NTNG1: variants seen among roughly 807,000 people sequenced by gnomAD.
NTNG1 encodes the protein netrin-G1.
Under a neutral mutation model 54.0 loss-of-function variants are expected in NTNG1, and 16 were observed. That is an observed-to-expected ratio of 0.30 (90% CI 0.20 to 0.45). NTNG1 has a LOEUF of 0.45. NTNG1 is among the 20% of genes least tolerant of loss of function. The probability of loss-of-function intolerance (pLI) is 1.00; values close to 1 mark genes in which losing one functional copy is unlikely to be tolerated. For synonymous variants in NTNG1, 255 were observed against 263.1 expected (o/e 0.97, Z 0.30); for missense variants, 530 against 678.7 (o/e 0.78, Z 2.43).
intron 2 of NTNG1, among the ~76,000 whole-genome samples, chr1:107,317,400 C>T (rs1667394408): frequency 6.6e-6 from 1 of 152,120 alleles, no homozygotes; most frequent in African/African-American, 2.4e-5. Context: ...AAAGCAACCT[C>T]CCTACCACTT....
chr1:107,311,759 A>C (rs61639364), intron 2 of NTNG1, among the ~76,000 whole-genome samples: 9,918 of 152,124 alleles, frequency 0.065, 484 homozygotes, highest in African/African-American at 0.13. Context: ...CACACTTGTT[A>C]TGTGTCAGTT....
intron 2 of NTNG1, among the ~76,000 whole-genome samples, chr1:107,273,659 A>G (rs1664293838): frequency 6.6e-6 from 1 of 152,152 alleles, no homozygotes. Context: ...CTTTTTTCTC[A>G]CAGTTCTGAA....
intron 7 of NTNG1, among the ~76,000 whole-genome samples, chr1:107,438,808 T>A (rs1264069973): frequency 6.6e-6 from 1 of 152,216 alleles, no homozygotes; most frequent in Non-Finnish European, 1.5e-5. Flanking sequence ...AATATGGTGT[T>A]GCCACCAACT....
chr1:107,360,977 G>A (rs1172367495), intron 3 of NTNG1, among the ~76,000 whole-genome samples: 1 of 151,550 alleles, frequency 6.6e-6, no homozygotes, highest in Non-Finnish European at 1.5e-5. Context: ...TCGTGTAACT[G>A]CTATCTCACT....
chr1:107,267,683 C>T (rs759354535), intron 2 of NTNG1, among the ~76,000 whole-genome samples: 6 of 152,158 alleles, frequency 3.9e-5, no homozygotes, highest in South Asian at 2.1e-4. Flanking sequence ...GGTCTTTGAA[C>T]GTGCTGCTTT....
chr1:107,307,070 G>A (rs536542007), intron 2 of NTNG1, among the ~76,000 whole-genome samples: 4 of 152,302 alleles, frequency 2.6e-5, no homozygotes, highest in South Asian at 2.1e-4. Context: ...TAATTTGTCC[G>A]TAGCTGCTAC....
intron 2 of NTNG1, among the ~76,000 whole-genome samples, chr1:107,172,928 A>G (rs972024284): frequency 6.6e-6 from 1 of 152,164 alleles, no homozygotes. Context: ...TCTGCAGTCT[A>G]TGTGCTGTGA....
chr1:107,392,260 C>T (rs1292709544), intron 3 of NTNG1, among the ~76,000 whole-genome samples: 1 of 151,894 alleles, frequency 6.6e-6, no homozygotes, highest in Non-Finnish European at 1.5e-5. Flanking sequence ...AGAGAATCTT[C>T]GAATATCCTA....
At chr1:107,432,263 T>C (rs2101342567) in intron 6 of NTNG1, among the ~76,000 whole-genome samples, 1 of 152,286 alleles carries the variant, frequency 6.6e-6, no homozygotes, top group East Asian at 1.9e-4. Context: ...GATGTCTTGT[T>C]TTGTTTTTAC....
rs151058555 is a variant in NTNG1, at chr1:107,421,507, G to T, written c.1088-9243G>T. Among the ~76,000 whole-genome samples the T allele has an allele frequency of 3.4e-3, 514 of 152,174 alleles. 17 individuals are homozygous for T. The South Asian group carries it at 0.062, about 18-fold the overall frequency. Reference sequence around the variant, plus strand: ...AGTGAGTTTCAAGGATGCTTTTCATGAGACCAGAAAGGCAGGTTCCATGTA... The same window carrying T: ...AGTGAGTTTCAAGGATGCTTTTCATTAGACCAGAAAGGCAGGTTCCATGTA... On this transcript the variant is annotated intron_variant, in intron 5 of 7. Coordinates refer to ENST00000370068, the MANE Select transcript of NTNG1 (RefSeq NM_001113226.3).
chr1:107,475,170 ACTAT>A (rs1678234860), intron 7 of NTNG1, among the ~76,000 whole-genome samples: 1 of 152,172 alleles, frequency 6.6e-6, no homozygotes. Context: ...AAATCTACTG[ACTAT>A]CTATAGAAGA....
At chr1:107,294,905 C>T (rs552409598) in intron 2 of NTNG1, among the ~76,000 whole-genome samples, 3 of 152,310 alleles carry the variant, frequency 2.0e-5, no homozygotes, top group Non-Finnish European at 2.9e-5. Context: ...AATGAGCTGA[C>T]GCCATGGGAG....
At chr1:107,464,580 A>G (rs1365539145) in intron 7 of NTNG1, among the ~76,000 whole-genome samples, 1 of 152,196 alleles carries the variant, frequency 6.6e-6, no homozygotes, top group Non-Finnish European at 1.5e-5. Flanking sequence ...GTGAAAAACA[A>G]TTAGAACCCT....
chr1:107,464,713 G>A (rs1161045171), intron 7 of NTNG1, among the ~76,000 whole-genome samples: 1 of 152,176 alleles, frequency 6.6e-6, no homozygotes, highest in East Asian at 1.9e-4. Context: ...GGCCAAGTTC[G>A]AATGGTAATG....
intron 2 of NTNG1, among the ~76,000 whole-genome samples, chr1:107,195,641 C>T (rs1211427420): frequency 2.0e-5 from 3 of 151,600 alleles, no homozygotes; most frequent in African/African-American, 7.3e-5. Flanking sequence ...ACACACACAC[C>T]TGTGCCTTAG....
intron 4 of NTNG1, among the ~76,000 whole-genome samples, chr1:107,398,693 C>T (rs1672839789): frequency 6.6e-6 from 1 of 152,124 alleles, no homozygotes; most frequent in African/African-American, 2.4e-5. Flanking sequence ...TAAAGCCATG[C>T]ACATGTATAT....
At chr1:107,150,419 C>T (rs1434339214) in intron 2 of NTNG1, among the ~76,000 whole-genome samples, 4 of 152,174 alleles carry the variant, frequency 2.6e-5, no homozygotes, top group Non-Finnish European at 4.4e-5. Context: ...GTTGAAATTG[C>T]TGTTTGGGTG....
rs188099797 is a variant in NTNG1 at position 107,383,204 on chromosome 1, C to G, written c.888-11950C>G. Among the ~76,000 whole-genome samples, 370 of 152,240 alleles carry G rather than the reference C, an allele frequency of 2.4e-3. 2 individuals are homozygous for G. The highest frequency in any genetic ancestry group is 4.3e-3 in the Non-Finnish European group (291 of 68,004). On this transcript the variant is annotated intron_variant, in intron 3 of 7. Coordinates refer to ENST00000370068, the MANE Select transcript of NTNG1 (RefSeq NM_001113226.3). ...TATACATATTTAAGAGATATCAAAA[C>G]CTTACCTGATAATCTAGCCTGATAG...
intron 5 of NTNG1, chr1:107,409,797 T>C (rs949471765): frequency 6.6e-6 from 1 of 152,174 alleles, no homozygotes; most frequent in South Asian, 2.1e-4. Flanking sequence ...CATGACTAGC[T>C]TACCTGTTTC....
Sources: allele counts gnomAD v4.1 joint callset (sites outside exome capture counted in the v4.1 genomes callset), GRCh38; gene constraint gnomAD v4.1.1; transcripts MANE v1.5; gene names NCBI Gene and HGNC (gene_info 2026-07-23, HGNC 2026-07-21).